Variants in MAGEC3 observed in about 807,000 individuals in gnomAD.
MAGEC3 encodes the protein melanoma-associated antigen C3.
MAGEC3 carries 34 observed loss-of-function variants against 35.3 expected under a neutral mutation model. The ratio of observed to expected loss-of-function variants is 0.96; its 90% CI spans 0.73 to 1.28. MAGEC3 has a LOEUF of 1.28. MAGEC3 is among the 50% of genes most tolerant of loss of function. The pLI, the probability that MAGEC3 is intolerant of heterozygous loss-of-function variation, is 0.00. For missense variants in MAGEC3, 561 were observed against 483.6 expected, an observed-to-expected ratio of 1.16 and a Z score of -1.50; for synonymous variants, 202 against 185.6, an observed-to-expected ratio of 1.09 and a Z score of -0.72.
chrX:141,880,274 A>G (rs367544), intron 3 of MAGEC3, among the ~76,000 whole-genome samples: 4,635 of 111,287 alleles, frequency 0.042, 284 homozygotes, highest in African/African-American at 0.15. Flanking sequence ...CTGCCACCTC[A>G]CTACCTCCCA....
intron 2 of MAGEC3, among the ~76,000 whole-genome samples, chrX:141,874,560 A>C (rs2017908307): frequency 8.9e-6 from 1 of 111,797 alleles, no homozygotes; most frequent in Admixed American, 9.5e-5. Flanking sequence ...CACTACACCA[A>C]AGAATATATA....
Position 141,879,237 on chromosome X carries a change from G to A in MAGEC3, c.321G>A (p.Gln107=), listed in dbSNP as rs779851337. 3 of 1,204,162 alleles carry A rather than the reference G, an allele frequency of 2.5e-6. No individual in the cohort carries two copies. Residue 107 remains glutamine, a synonymous_variant, in exon 3 of 8, where the codon CAG becomes CAA. Transcript: ENST00000298296. ...LQLSDLHFGS[Q]PEGKFSLRRA... ...TTTCTGACTTGCATTTTGGGAGTCA[G>A]CCGGAGGGGAAGTTTTCTCTGAGGA...
chrX:141,852,931 A>G (rs2017759776), intron 1 of MAGEC3, among the ~76,000 whole-genome samples: 1 of 111,567 alleles, frequency 9.0e-6, no homozygotes, highest in African/African-American at 3.2e-5. Context: ...AGAATGAGAC[A>G]GGTAGCACTT....
At chrX:141,853,654 G>A (rs1320641037) in intron 1 of MAGEC3, among the ~76,000 whole-genome samples, 2 of 111,152 alleles carry the variant, frequency 1.8e-5, no homozygotes, top group African/African-American at 6.5e-5. Context: ...GAGAGATTAG[G>A]TGGCACATAA....
chrX:141,881,084 A>G (rs1372982916), intron 3 of MAGEC3, among the ~76,000 whole-genome samples: 3 of 112,206 alleles, frequency 2.7e-5, no homozygotes, highest in Non-Finnish European at 5.6e-5. Flanking sequence ...GAGGAGGAAG[A>G]GGAGAAAACC....
chrX:141,838,980 C>A, intron 1 of MAGEC3: 1 of 400,098 alleles, frequency 2.5e-6, no homozygotes, highest in Non-Finnish European at 3.2e-6. Context: ...CCAGCGGGAG[C>A]TTTCTCCCTG....
intron 3 of MAGEC3, chrX:141,880,966 A>G: frequency 1.7e-6 from 1 of 581,601 alleles, no homozygotes; most frequent in Non-Finnish European, 2.9e-6. Flanking sequence ...TCCTGCTCCT[A>G]AGGAAGACGT....
intron 4 of MAGEC3, chrX:141,894,944 G>C: frequency 3.1e-6 from 2 of 639,764 alleles, no homozygotes; most frequent in Non-Finnish European, 4.1e-6. Context: ...TGGGAGGTGG[G>C]TAGGAAAAGG....
intron 2 of MAGEC3, among the ~76,000 whole-genome samples, chrX:141,878,096 T>G (rs896601476): frequency 8.9e-6 from 1 of 112,188 alleles, no homozygotes; most frequent in Admixed American, 9.4e-5. Context: ...ATTGAGACAT[T>G]TCTCGATTTT....
Position 141,881,762 on chromosome X carries a change from A to T in MAGEC3, c.875A>T (p.Glu292Val). The T allele has an allele frequency of 8.3e-7, 1 of 1,211,478 alleles. No homozygotes were observed. Among genetic ancestry groups the T allele is most frequent in the Non-Finnish European group, 1.1e-6 (1 of 895,411 alleles). The change falls in exon 4 of 8, where the codon GAG (glutamate) becomes GTG (valine). Residue 292 changes from glutamate (E) to valine (V), a missense_variant. Glu to Val is a moderately radical substitution (Grantham distance 121, BLOSUM62 -2). Coordinates refer to ENST00000298296, the MANE Select transcript of MAGEC3 (RefSeq NM_138702.1). Reference sequence around the variant, plus strand: ...TTCATAAAGGGCAACTGTGCATCTGAGGAGGTCATCTGGGAAGTGCTGAAT... The same window carrying T: ...TTCATAAAGGGCAACTGTGCATCTGTGGAGGTCATCTGGGAAGTGCTGAAT... ...VIFIKGNCASEEVIWEVLNAI... is the reference protein window; with the variant it reads ...VIFIKGNCASVEVIWEVLNAI...
chrX:141,860,006 T>A (rs867646092), intron 1 of MAGEC3, among the ~76,000 whole-genome samples: 5 of 111,924 alleles, frequency 4.5e-5, no homozygotes, highest in Middle Eastern at 4.6e-3. Context: ...TGATCTCACA[T>A]CCCCTCTATT....
chrX:141,857,855 A>G (rs73238533), intron 1 of MAGEC3, among the ~76,000 whole-genome samples: 8,913 of 111,129 alleles, frequency 0.08, 395 homozygotes, highest in Non-Finnish European at 0.12. Flanking sequence ...ATTGCACTCC[A>G]GTATAATATG....
chrX:141,848,125 G>A (rs1339215415), intron 1 of MAGEC3, among the ~76,000 whole-genome samples: 1 of 109,379 alleles, frequency 9.1e-6, no homozygotes, highest in Non-Finnish European at 1.9e-5. Context: ...GTATACATAT[G>A]TATACACATA....
At position 141,895,297 on chromosome X, in the gene MAGEC3, A is replaced by T; in HGVS notation, c.938A>T (p.Asp313Val). Residue 313 changes from aspartate (D) to valine (V), a missense_variant, in exon 5 of 8, where the codon GAT becomes GTT. Transcript: ENST00000298296. ...TGGTCAGCCTTGGCAGGGTTCGCGG[A>T]TGTGCTTTCCCGACTTGCACTGTGG... ...GPWSALAGFA[D>V]VLSRLALWES... 8.3e-7 allele frequency: 1 copy of T among 1,210,680 alleles called. No homozygotes were observed. Among genetic ancestry groups the T allele is most frequent in the South Asian group, 1.8e-5 (1 of 56,921 alleles).
At chrX:141,871,411 A>G (rs897130560) in intron 2 of MAGEC3, among the ~76,000 whole-genome samples, 2 of 111,745 alleles carry the variant, frequency 1.8e-5, no homozygotes, top group African/African-American at 6.5e-5. Flanking sequence ...AAGGAGTCCC[A>G]GGCCACCAGA....
chrX:141,884,352 A>G (rs1180491622), intron 4 of MAGEC3, among the ~76,000 whole-genome samples: 2 of 111,813 alleles, frequency 1.8e-5, no homozygotes, highest in Admixed American at 1.9e-4. Flanking sequence ...GCCCTCTAAC[A>G]TCAGACTCCA....
chrX:141,891,718 TATATATTTATATATGC>T (rs895801342), intron 4 of MAGEC3, among the ~76,000 whole-genome samples: 20 of 104,623 alleles, frequency 1.9e-4, no homozygotes, highest in Non-Finnish European at 2.7e-4. Context: ...TATATAAATA[TATATATTTATATATGC>T]ATATATTTAT....
In MAGEC3 at chrX:141,881,884, C is replaced by T. The variant is rs962379659; in HGVS notation, c.909+88C>T. 1.4e-5 allele frequency: 15 copies of T among 1,092,171 alleles called. No homozygotes were observed. The East Asian group carries it at 2.4e-4, about 18-fold the overall frequency. The allele number at this position is 1,092,171 out of a possible 1,213,427, so 90.0% of individuals were successfully genotyped here. On this transcript the variant is annotated intron_variant, in intron 4 of 7. Coordinates refer to ENST00000298296, the MANE Select transcript of MAGEC3 (RefSeq NM_138702.1). ...AGTGCAGGGACATTACCTGGAGTAG[C>T]GACATGTGCCCAGTAGTGCTCCTCC...
rs1258458862 is a variant in MAGEC3, at chrX:141,895,418, T to C, written c.1048+11T>C. 1.7e-6 allele frequency: 2 copies of C among 1,207,576 alleles called. No individual in the cohort carries two copies. Among genetic ancestry groups the C allele is most frequent in the Non-Finnish European group, 2.2e-6 (2 of 894,438 alleles). ...TGGCCAATCCTCAAGGTAAGGGCCC[T>C]AAGGGAGAACTGAGGGACTTCGCAC... is the stretch of plus-strand genomic sequence containing the variant. On this transcript the variant is annotated intron_variant, in intron 5 of 7. Transcript: ENST00000298296.
Sources: allele counts gnomAD v4.1 joint callset (sites outside exome capture counted in the v4.1 genomes callset), GRCh38; gene constraint gnomAD v4.1.1; transcripts MANE v1.5; gene names NCBI Gene and HGNC (gene_info 2026-07-23, HGNC 2026-07-21).